Variants in DNAH3 observed in about 807,000 individuals in gnomAD.
DNAH3 encodes the protein dynein axonemal heavy chain 3, also known as axonemal beta dynein heavy chain 3.
Under a neutral mutation model 432.5 loss-of-function variants are expected in DNAH3, and 332 were observed. The observed-to-expected ratio is 0.77, with a 90% CI of 0.70 to 0.84. DNAH3 has a LOEUF of 0.84. Among genes scored for constraint, DNAH3 ranks in the 40% least tolerant of loss-of-function variants. The pLI is 0.00. For missense variants in DNAH3, 4,861 were observed against 5,114.0 expected, an observed-to-expected ratio of 0.95 and a Z score of 1.51; for synonymous variants, 1,956 against 1,900.2, an observed-to-expected ratio of 1.03 and a Z score of -0.76.
intron 38 of DNAH3, among the ~76,000 whole-genome samples, chr16:21,026,082 T>C (rs1372357576): frequency 6.6e-6 from 1 of 152,104 alleles, no homozygotes; most frequent in Non-Finnish European, 1.5e-5. Flanking sequence ...TCCAAGTGCT[T>C]GTTACTGTGA....
intron 47 of DNAH3, among the ~76,000 whole-genome samples, chr16:20,986,167 T>C (rs1366352628): frequency 6.6e-6 from 1 of 151,784 alleles, no homozygotes. Context: ...AGTCTTTTTG[T>C]TTTTTAAACA....
intron 40 of DNAH3, among the ~76,000 whole-genome samples, chr16:21,020,341 A>AGGGT (rs2088102785): frequency 1.7e-5 from 1 of 60,444 alleles, no homozygotes; most frequent in Non-Finnish European, 2.9e-5. Flanking sequence ...ATAATAATAT[A>AGGGT]GTGTGTGTAT....
chr16:21,004,560 GT>G (rs2087186374), intron 41 of DNAH3, among the ~76,000 whole-genome samples: 1 of 152,040 alleles, frequency 6.6e-6, no homozygotes, highest in Non-Finnish European at 1.5e-5. Context: ...TAGACACAGG[GT>G]TTTGCCATGT....
intron 55 of DNAH3, among the ~76,000 whole-genome samples, chr16:20,953,972 T>G (rs949176266): frequency 6.6e-6 from 1 of 152,072 alleles, no homozygotes; most frequent in African/African-American, 2.4e-5. Context: ...CACGTTGTAG[T>G]GTATGTCAGA....
chr16:21,139,319 G>GTTTTT (rs2092686839), intron 5 of DNAH3, among the ~76,000 whole-genome samples: 2 of 32,768 alleles, frequency 6.1e-5, no homozygotes, highest in Non-Finnish European at 9.5e-5. Context: ...CTTTCCTCAT[G>GTTTTT]CTTTTTTTTT....
chr16:21,150,574 G>A (rs1400911683), intron 1 of DNAH3, 40 bp from the exon 2 acceptor site: 1 of 229,354 alleles, frequency 4.4e-6, no homozygotes, highest in East Asian at 1.1e-4. Context: ...GAGATAAGGG[G>A]ACAGCACTGG....
intron 1 of DNAH3, among the ~76,000 whole-genome samples, chr16:21,152,174 G>A (rs1004259755): frequency 2.0e-5 from 3 of 152,080 alleles, no homozygotes; most frequent in Non-Finnish European, 4.4e-5. Context: ...GGAGGTTGCA[G>A]TGAGCACAGA....
At chr16:21,146,497 G>A (rs748797266) in intron 1 of DNAH3, among the ~76,000 whole-genome samples, 6 of 152,030 alleles carry the variant, frequency 3.9e-5, no homozygotes, top group Non-Finnish European at 8.8e-5. Context: ...CGGAGGTTGC[G>A]GTGAGCTGAG....
At position 20,987,536 on chromosome 16, in the gene DNAH3, T is replaced by G. The variant is rs968376170; in HGVS notation, c.6883-88A>C. On this transcript the variant is annotated intron_variant, in intron 46 of 61. Transcript: ENST00000261383. ...GTAGTAGGTAAGTCCTGGGGTTGAT[T>G]TGAGGATTGAACTAGATAATGTTTA... is the stretch of plus-strand genomic sequence containing the variant. 7.0e-5 allele frequency: 109 copies of G among 1,565,022 alleles called. No individual in the cohort carries two copies. In the East Asian group the frequency reaches 2.4e-3, roughly 35 times the overall value.
intron 21 of DNAH3, among the ~76,000 whole-genome samples, chr16:21,072,949 G>A (rs1414556584): frequency 6.6e-6 from 1 of 152,014 alleles, no homozygotes; most frequent in East Asian, 1.9e-4. Flanking sequence ...CTCTCAAAGT[G>A]CTGGGATTAT....
chr16:21,086,904 A>G (rs1019448140), exon 19 of DNAH3: 3 of 1,614,064 alleles, frequency 1.9e-6, no homozygotes, highest in Non-Finnish European at 2.5e-6. Flanking sequence ...GAGGATGGGA[A>G]TGTACTGCTT....
At chr16:20,957,686 C>T (rs534854823) in intron 54 of DNAH3, among the ~76,000 whole-genome samples, 1 of 151,644 alleles carries the variant, frequency 6.6e-6, no homozygotes, top group East Asian at 1.9e-4. Context: ...GTGGTGCATG[C>T]CTGTAGTAGC....
intron 15 of DNAH3, among the ~76,000 whole-genome samples, chr16:21,104,900 A>G (rs1042188678): frequency 2.0e-5 from 3 of 152,104 alleles, no homozygotes; most frequent in Admixed American, 2.0e-4. Context: ...CTGTGTTCTA[A>G]CCTCTCTGCT....
At chr16:21,005,431 T>C (rs1282239930) in intron 41 of DNAH3, among the ~76,000 whole-genome samples, 3 of 151,846 alleles carry the variant, frequency 2.0e-5, no homozygotes, top group African/African-American at 7.3e-5. Context: ...TAAGTCAAAG[T>C]GGTGCAGTGG....
At chr16:20,946,708 G>C (rs1258144262) in intron 57 of DNAH3, among the ~76,000 whole-genome samples, 1 of 151,796 alleles carries the variant, frequency 6.6e-6, no homozygotes, top group South Asian at 2.1e-4. Flanking sequence ...GGGTGTGTTA[G>C]GCCTTAGGGG....
chr16:21,042,805 A>G (rs1274837530), intron 31 of DNAH3, among the ~76,000 whole-genome samples: 2 of 152,126 alleles, frequency 1.3e-5, no homozygotes, highest in African/African-American at 4.8e-5. Flanking sequence ...ATATCTCCCG[A>G]TGCTATCCCT....
At chr16:21,071,064 CAG>C (rs2090763521) in intron 21 of DNAH3, among the ~76,000 whole-genome samples, 1 of 151,068 alleles carries the variant, frequency 6.6e-6, no homozygotes. Flanking sequence ...TTTTTTAAGA[CAG>C]AGTTTCACTC....
chr16:21,090,319 C>T (rs1436881371), intron 18 of DNAH3, among the ~76,000 whole-genome samples: 1 of 150,530 alleles, frequency 6.6e-6, no homozygotes, highest in East Asian at 1.9e-4. Flanking sequence ...CATTTCCTAA[C>T]TTATTTTAAC....
chr16:20,987,620 C>A (rs918758228), intron 46 of DNAH3, 73 bp downstream of exon 46: 3 of 1,576,238 alleles, frequency 1.9e-6, no homozygotes, highest in Admixed American at 1.7e-5. Context: ...TTAGCTATTA[C>A]TGCTATTACT....
Sources: allele counts gnomAD v4.1 joint callset (sites outside exome capture counted in the v4.1 genomes callset), GRCh38; gene constraint gnomAD v4.1.1; transcripts MANE v1.5; gene names NCBI Gene and HGNC (gene_info 2026-07-23, HGNC 2026-07-21).